The following PCDH9 variants were observed in gnomAD, a reference collection of about 807,000 sequenced individuals.
The protein encoded by PCDH9 is protocadherin 9.
A neutral mutation model predicts 70.6 loss-of-function variants in PCDH9; 24 were observed. The observed-to-expected ratio is 0.34, with a 90% CI of 0.25 to 0.48. The LOEUF (loss-of-function observed/expected upper bound fraction) is 0.48. Ranked by LOEUF, PCDH9 falls within the 20% of genes least tolerant of loss-of-function variation. The pLI, the probability that PCDH9 is intolerant of heterozygous loss-of-function variation, is 0.99. For synonymous variants in PCDH9, 562 were observed against 558.5 expected (o/e 1.01, Z -0.09); for missense variants, 1,281 against 1,503.6 (o/e 0.85, Z 2.45).
chr13:66,832,332 G>A (rs1292372515), intron 3 of PCDH9, among the ~76,000 whole-genome samples: 2 of 151,972 alleles, frequency 1.3e-5, no homozygotes. Flanking sequence ...TACATTTAGT[G>A]AGGTATCTAA....
At chr13:66,842,822 G>C (rs2081139178) in intron 3 of PCDH9, among the ~76,000 whole-genome samples, 1 of 152,164 alleles carries the variant, frequency 6.6e-6, no homozygotes, top group Non-Finnish European at 1.5e-5. Context: ...AGGGTGAAGG[G>C]AGTGATTTTC....
At chr13:66,467,466 T>C (rs935369606) in intron 4 of PCDH9, among the ~76,000 whole-genome samples, 1 of 152,084 alleles carries the variant, frequency 6.6e-6, no homozygotes, top group Non-Finnish European at 1.5e-5. Flanking sequence ...ACTTCATTCT[T>C]AGATGTGGAC....
chr13:66,590,814 TA>T (rs1184462333), intron 4 of PCDH9, among the ~76,000 whole-genome samples: 2 of 151,834 alleles, frequency 1.3e-5, no homozygotes, highest in East Asian at 3.9e-4. Flanking sequence ...GTATTTTCTT[TA>T]TATATAGCTC....
At chr13:67,139,143 G>A (rs1374913990) in intron 2 of PCDH9, among the ~76,000 whole-genome samples, 1 of 152,086 alleles carries the variant, frequency 6.6e-6, no homozygotes, top group African/African-American at 2.4e-5. Context: ...CATAAGCCAT[G>A]GTGAATTCTG....
At chr13:66,897,942 A>G in intron 3 of PCDH9, among the ~76,000 whole-genome samples, 1 of 152,084 alleles carries the variant, frequency 6.6e-6, no homozygotes, top group Non-Finnish European at 1.5e-5. Flanking sequence ...AAGATGTTTG[A>G]CTATTCCCAG....
At chr13:66,782,792 T>C (rs2080020968) in intron 3 of PCDH9, 1 of 152,020 alleles carries the variant, frequency 6.6e-6, no homozygotes, top group South Asian at 2.1e-4. Flanking sequence ...AGTAAGGGAG[T>C]GTGCCCTGTA....
At chr13:66,430,835 T>C (rs1375491185) in intron 4 of PCDH9, among the ~76,000 whole-genome samples, 1 of 152,090 alleles carries the variant, frequency 6.6e-6, no homozygotes, top group African/African-American at 2.4e-5. Flanking sequence ...ACAAAGGGTC[T>C]GTAGTGTGGG....
At chr13:66,781,545 T>C (rs1008174882) in intron 3 of PCDH9, among the ~76,000 whole-genome samples, 3 of 152,176 alleles carry the variant, frequency 2.0e-5, no homozygotes, top group African/African-American at 4.8e-5. Flanking sequence ...AGCACTTATA[T>C]TTTGTCCTTG....
chr13:66,964,796 T>C (rs2083405410), intron 2 of PCDH9, among the ~76,000 whole-genome samples: 1 of 152,178 alleles, frequency 6.6e-6, no homozygotes, highest in East Asian at 1.9e-4. Flanking sequence ...AAAGTGAATG[T>C]GTGTGCTCAA....
intron 3 of PCDH9, among the ~76,000 whole-genome samples, chr13:66,693,763 G>A (rs937508209): frequency 6.6e-6 from 1 of 152,156 alleles, no homozygotes; most frequent in African/African-American, 2.4e-5. Flanking sequence ...ATTATTAGGT[G>A]GGTCCAGTTA....
At chr13:67,143,924 T>C (rs1247148439) in intron 2 of PCDH9, among the ~76,000 whole-genome samples, 1 of 152,208 alleles carries the variant, frequency 6.6e-6, no homozygotes, top group South Asian at 2.1e-4. Context: ...AGGTGAGTCA[T>C]AAGCATTATG....
chr13:67,164,418 T>C (rs2088048888), intron 2 of PCDH9, among the ~76,000 whole-genome samples: 2 of 149,262 alleles, frequency 1.3e-5, no homozygotes, highest in East Asian at 3.9e-4. Context: ...CTAATAAAAC[T>C]ACAAAAATTA....
chr13:66,785,809 T>C (rs2080070565), intron 3 of PCDH9, among the ~76,000 whole-genome samples: 1 of 151,678 alleles, frequency 6.6e-6, no homozygotes, highest in Non-Finnish European at 1.5e-5. Flanking sequence ...TGATTTTTAC[T>C]CACTGATTAT....
chr13:66,653,985 A>AAAAG (rs576503175), intron 3 of PCDH9, among the ~76,000 whole-genome samples: 12 of 150,404 alleles, frequency 8.0e-5, no homozygotes, highest in South Asian at 2.1e-4. Flanking sequence ...AAAAAAAAAA[A>AAAAG]ATAGAAAGAA....
chr13:66,575,403 C>T (rs1272342528), intron 4 of PCDH9, among the ~76,000 whole-genome samples: 1 of 151,998 alleles, frequency 6.6e-6, no homozygotes, highest in Non-Finnish European at 1.5e-5. Context: ...GGTATATTCC[C>T]TGAATCCTCC....
At chr13:66,603,568 A>G (rs1447929588) in intron 4 of PCDH9, among the ~76,000 whole-genome samples, 8 of 152,002 alleles carry the variant, frequency 5.3e-5, no homozygotes, top group African/African-American at 1.9e-4. Flanking sequence ...TGACATTCAT[A>G]TATAGGGCAA....
chr13:66,942,050 ACACTT>A (rs2083014371), intron 2 of PCDH9, among the ~76,000 whole-genome samples: 1 of 151,950 alleles, frequency 6.6e-6, no homozygotes, highest in Non-Finnish European at 1.5e-5. Context: ...ACGAAGTACT[ACACTT>A]CAATATAACC....
intron 4 of PCDH9, among the ~76,000 whole-genome samples, chr13:66,541,736 G>T (rs138270950): frequency 2.6e-4 from 39 of 152,230 alleles, no homozygotes; most frequent in African/African-American, 9.4e-4. Flanking sequence ...CCAAATAACA[G>T]GGCCACATTC....
chr13:66,966,838 A>G (rs1357281179), intron 2 of PCDH9, among the ~76,000 whole-genome samples: 1 of 152,084 alleles, frequency 6.6e-6, no homozygotes, highest in Non-Finnish European at 1.5e-5. Context: ...GACAAGGAAT[A>G]TGAAATAGAG....
Sources: gnomAD v4.1 joint callset for allele counts (sites outside exome capture counted in the v4.1 genomes callset) on GRCh38, gnomAD v4.1.1 for gene constraint, MANE v1.5 for transcripts, NCBI Gene and HGNC (gene_info 2026-07-23, HGNC 2026-07-21) for gene names.